Variants in PKHD1L1 observed in about 807,000 individuals in gnomAD.
The protein encoded by PKHD1L1 is fibrocystin-L.
In PKHD1L1, 434 loss-of-function variants were observed where a neutral mutation model predicts 462.9. The ratio of observed to expected loss-of-function variants is 0.94; its 90% CI spans 0.87 to 1.02. PKHD1L1 has a LOEUF of 1.02. Ranked by LOEUF, PKHD1L1 falls within the 50% of genes least tolerant of loss-of-function variation. The pLI is 0.00. For missense variants in PKHD1L1, 5,202 were observed against 5,096.1 expected (o/e 1.02, Z -0.63); for synonymous variants, 1,781 against 1,750.0 (o/e 1.02, Z -0.44).
Position 109,508,209 on chromosome 8 carries a change from T to C in PKHD1L1, c.11340T>C (p.Thr3780=). The change falls in exon 70 of 78, where the codon ACT becomes ACC. Residue 3780 remains threonine (T), a synonymous_variant. Coordinates refer to ENST00000378402, the MANE Select transcript of PKHD1L1 (RefSeq NM_177531.6). ...AAAGTCTGGATCCTGACACAGAAAC[T>C]CGAAGACTTTCCCCAGTGGCTATAA... ...VIESLDPDTE[T]RRLSPVAIMG... The C allele has an allele frequency of 6.2e-7, 1 of 1,613,302 alleles. No homozygotes were observed. Among genetic ancestry groups the C allele is most frequent in the Non-Finnish European group, 8.5e-7 (1 of 1,179,442 alleles).
In PKHD1L1 at chr8:109,433,097, C is replaced by A; in HGVS notation, c.3230-9C>A. The A allele has an allele frequency of 1.9e-6, 3 of 1,558,010 alleles. No homozygotes were observed. Among genetic ancestry groups the A allele is most frequent in the South Asian group, 1.2e-5 (1 of 85,086 alleles). On this transcript the variant is annotated splice_polypyrimidine_tract_variant and intron_variant, in intron 27 of 77. Transcript: ENST00000378402. ...CTTTAATATTGTTATTTAAATTGATCATTTTTAGGGTCCTATGAAGAAGGC... is the reference window on the plus strand; with the variant it reads ...CTTTAATATTGTTATTTAAATTGATAATTTTTAGGGTCCTATGAAGAAGGC...
At chr8:109,509,679 T>C (rs1403073094) in intron 70 of PKHD1L1, among the ~76,000 whole-genome samples, 1 of 151,926 alleles carries the variant, frequency 6.6e-6, no homozygotes, top group African/African-American at 2.4e-5. Flanking sequence ...ATTTTTATGT[T>C]ATACATGGAT....
intron 42 of PKHD1L1, 108 bp from the exon 43 acceptor site, chr8:109,452,610 C>A (rs529983989): frequency 2.1e-5 from 11 of 520,238 alleles, no homozygotes; most frequent in East Asian, 1.1e-4. Context: ...TATATATTTA[C>A]TATATAATAT....
intron 55 of PKHD1L1, among the ~76,000 whole-genome samples, chr8:109,481,104 G>A (rs1441605559): frequency 2.6e-5 from 4 of 151,850 alleles, no homozygotes; most frequent in African/African-American, 9.7e-5. Flanking sequence ...TAGCTTGGGT[G>A]TAAGCGTAAA....
intron 67 of PKHD1L1, among the ~76,000 whole-genome samples, chr8:109,503,192 C>T (rs1819514828): frequency 6.6e-6 from 1 of 152,106 alleles, no homozygotes; most frequent in African/African-American, 2.4e-5. Flanking sequence ...CCTGTAATCC[C>T]AGCTACTCAG....
At chr8:109,479,663 T>A in intron 54 of PKHD1L1, 24 bp downstream of exon 54, 1 of 1,370,296 alleles carries the variant, frequency 7.3e-7, no homozygotes, top group Non-Finnish European at 1.0e-6. Context: ...CACAAATGAA[T>A]GAAATGTTTG....
At chr8:109,489,205 G>C (rs1294134923) in intron 59 of PKHD1L1, among the ~76,000 whole-genome samples, 1 of 150,062 alleles carries the variant, frequency 6.7e-6, no homozygotes. Context: ...ATCCTATTAA[G>C]TATCAGTTTT....
intron 57 of PKHD1L1, 98 bp from the exon 58 acceptor site, chr8:109,484,946 G>C (rs1461457563): frequency 1.0e-6 from 1 of 981,974 alleles, no homozygotes; most frequent in South Asian, 2.1e-5. Context: ...AATTGCCAAT[G>C]AGATATACAT....
chr8:109,370,880 T>C (rs1811470061), intron 2 of PKHD1L1, among the ~76,000 whole-genome samples: 1 of 152,216 alleles, frequency 6.6e-6, no homozygotes. Flanking sequence ...GGTGTATATG[T>C]GCCACATTTT....
At chr8:109,425,865 A>G (rs1299599621) in intron 24 of PKHD1L1, among the ~76,000 whole-genome samples, 1 of 152,160 alleles carries the variant, frequency 6.6e-6, no homozygotes, top group Non-Finnish European at 1.5e-5. Context: ...TAACATTTGA[A>G]TATAAGGGAT....
chr8:109,495,007 T>G (rs1819017642), intron 63 of PKHD1L1, among the ~76,000 whole-genome samples: 1 of 151,914 alleles, frequency 6.6e-6, no homozygotes, highest in Admixed American at 6.6e-5. Context: ...CAGCTTTATT[T>G]GGCATGATTT....
chr8:109,372,220 A>T (rs1811549624), intron 2 of PKHD1L1, among the ~76,000 whole-genome samples: 1 of 152,176 alleles, frequency 6.6e-6, no homozygotes, highest in South Asian at 2.1e-4. Context: ...GGCCCTTCAC[A>T]TCCCTTGAAA....
rs774262365 is a variant in PKHD1L1 at position 109,412,376 on chromosome 8, C to T, written c.2197C>T (p.Arg733Ter). 23 of 1,613,224 alleles carry T rather than the reference C, an allele frequency of 1.4e-5. No individual in the cohort carries two copies. The highest frequency in any genetic ancestry group is 4.5e-5 in the East Asian group (2 of 44,852). ...FDSADVKPNR[R>*]PYGDILLFPY... ...CTCAGCAGATGTTAAACCAAACAGA[C>T]GACCATATGGAGATATTTTATTGTT... Residue 733 changes from arginine (R) to a stop codon, truncating the protein, a stop_gained, in exon 20 of 78, where the codon CGA becomes TGA. Transcript: ENST00000378402. LOFTEE classifies it high-confidence loss of function.
At position 109,430,958 on chromosome 8, in the gene PKHD1L1, G is replaced by T. The variant is rs1384031858; in HGVS notation, c.3229+921G>T. ...ATGTTTATATCCACTCTTGCATTTT[G>T]TAATGAATTCCCACTTTTTTTTTTT... On this transcript the variant is annotated intron_variant, in intron 27 of 77. Transcript: ENST00000378402. Among the ~76,000 whole-genome samples, 132 of 148,458 alleles carry T rather than the reference G, an allele frequency of 8.9e-4. 1 individual carries two copies. Among genetic ancestry groups the T allele is most frequent in the Non-Finnish European group, 1.0e-4 (7 of 67,152 alleles).
chr8:109,370,058 A>C (rs1346769314), intron 2 of PKHD1L1, among the ~76,000 whole-genome samples: 1 of 152,206 alleles, frequency 6.6e-6, no homozygotes, highest in Non-Finnish European at 1.5e-5. Flanking sequence ...TAAGGGCTGG[A>C]GGAAGGCTAC....
At chr8:109,454,065 T>G in intron 43 of PKHD1L1, 102 bp from the exon 44 acceptor site, 1 of 626,966 alleles carries the variant, frequency 1.6e-6, no homozygotes, top group Non-Finnish European at 2.7e-6. Flanking sequence ...TTTAATTTAA[T>G]GTATAATTTA....
intron 23 of PKHD1L1, among the ~76,000 whole-genome samples, chr8:109,421,236 T>C (rs1814447608): frequency 6.6e-6 from 1 of 151,988 alleles, no homozygotes. Flanking sequence ...TATAATTTCC[T>C]ACCACAAACC....
intron 2 of PKHD1L1, among the ~76,000 whole-genome samples, chr8:109,371,487 G>A (rs1207674951): frequency 6.7e-6 from 1 of 150,180 alleles, no homozygotes; most frequent in Non-Finnish European, 1.5e-5. Flanking sequence ...TTCTTTTGCT[G>A]TGCAGAAGCT....
intron 42 of PKHD1L1, 64 bp from the exon 43 acceptor site, chr8:109,452,654 A>G (rs1816597819): frequency 8.5e-7 from 1 of 1,176,524 alleles, no homozygotes; most frequent in Non-Finnish European, 1.1e-6. Flanking sequence ...ATGCTTTTTG[A>G]AAAATCGAAT....
Sources: allele counts gnomAD v4.1 joint callset (sites outside exome capture counted in the v4.1 genomes callset), GRCh38; gene constraint gnomAD v4.1.1; transcripts MANE v1.5; gene names NCBI Gene and HGNC (gene_info 2026-07-23, HGNC 2026-07-21).